TMEM245: variants seen among roughly 807,000 people sequenced by gnomAD.
The protein encoded by TMEM245 is protein CG-2.
TMEM245 carries 69 observed loss-of-function variants against 101.2 expected under a neutral mutation model. That is an observed-to-expected ratio of 0.68 (90% confidence interval 0.56 to 0.83). The LOEUF (loss-of-function observed/expected upper bound fraction) is 0.83, where lower values mean the gene tolerates loss of function less well. Ranked by LOEUF, TMEM245 falls within the 40% of genes least tolerant of loss-of-function variation. The probability of loss-of-function intolerance (pLI) is 0.00; values close to 1 mark genes in which losing one functional copy is unlikely to be tolerated. For synonymous variants in TMEM245, 537 were observed against 449.8 expected (o/e 1.19, Z -2.45); for missense variants, 1,075 against 1,092.8 (o/e 0.98, Z 0.23).
At chr9:109,118,949 C>T (rs1830808991) in intron 1 of TMEM245, among the ~76,000 whole-genome samples, 1 of 152,198 alleles carries the variant, frequency 6.6e-6, no homozygotes, top group Admixed American at 6.5e-5. Context: ...CCAGCTCTGA[C>T]ATTCAGATGC....
In TMEM245 at chr9:109,050,382, T is replaced by G. The variant is rs1389796445; in HGVS notation, c.2024A>C (p.Glu675Ala). The change falls in exon 14 of 18, where the codon GAG becomes GCG. Residue 675 changes from glutamate to alanine, a missense_variant. This residue lies in a region of TMEM245 where 267 missense variants were observed against 351.3 expected (regional missense o/e 0.76). Coordinates refer to ENST00000374586, the MANE Select transcript of TMEM245 (RefSeq NM_032012.4). ...CACCCACTTCACTGGCTTGTAGTAC[T>G]CATCACTGGAACTTAATAGATAAAA... ...TLFYLLSSSD[E>A]YYKPVKWVIS... 1.2e-5 allele frequency: 20 copies of G among 1,614,154 alleles called. No individual in the cohort carries two copies. Among genetic ancestry groups the G allele is most frequent in the Non-Finnish European group, 1.5e-5 (18 of 1,180,026 alleles).
In TMEM245 at chr9:109,015,329, C is replaced by T. The variant is rs1453550244; in HGVS notation, c.*5131G>A. On this transcript the variant is annotated 3_prime_UTR_variant, in exon 18 of 18. Coordinates refer to ENST00000374586, the MANE Select transcript of TMEM245 (RefSeq NM_032012.4). Reference sequence around the variant, plus strand: ...TTGAATTGCCTCCTTCACCTGAGAACCCAGGGATGATACATTTTCAAAGAG... The same window carrying T: ...TTGAATTGCCTCCTTCACCTGAGAATCCAGGGATGATACATTTTCAAAGAG... The T allele has an allele frequency of 6.6e-6, 1 of 152,120 alleles. No individual in the cohort carries two copies. Among genetic ancestry groups the T allele is most frequent in the African/African-American group, 2.4e-5 (1 of 41,414 alleles). The allele number at this position is 152,120 out of a possible 1,614,324, so 9.4% of individuals were successfully genotyped here. A position where few individuals can be genotyped will look rare whatever the true frequency, so the allele number is the denominator to read the frequency against.
intron 17 of TMEM245, among the ~76,000 whole-genome samples, chr9:109,027,321 C>T (rs1827819385): frequency 1.4e-5 from 2 of 144,642 alleles, no homozygotes; most frequent in Non-Finnish European, 3.0e-5. Context: ...CCTCTCCCCT[C>T]CTTGGCAGAA....
chr9:109,110,375 T>C (rs547178266), intron 1 of TMEM245, among the ~76,000 whole-genome samples: 1 of 152,244 alleles, frequency 6.6e-6, no homozygotes, highest in African/African-American at 2.4e-5. Context: ...TTCAGAGAAG[T>C]GACTTGCCCA....
chr9:109,074,679 T>G (rs927619167), intron 8 of TMEM245, among the ~76,000 whole-genome samples: 1 of 150,304 alleles, frequency 6.7e-6, no homozygotes, highest in African/African-American at 2.4e-5. Flanking sequence ...TCCATGGGCA[T>G]GGGTATGAGA....
At chr9:109,087,449 T>G (rs1829876865) in intron 5 of TMEM245, 107 bp from the exon 6 acceptor site, 1 of 1,120,876 alleles carries the variant, frequency 8.9e-7, no homozygotes, top group Non-Finnish European at 1.2e-6. Flanking sequence ...ACAAAGCTAG[T>G]ATTAAAAAGA....
At chr9:109,040,491 T>G (rs1828269884) in intron 14 of TMEM245, among the ~76,000 whole-genome samples, 2 of 152,198 alleles carry the variant, frequency 1.3e-5, no homozygotes, top group Non-Finnish European at 2.9e-5. Context: ...GCCCTTCTAT[T>G]GTCAAACCCT....
At chr9:109,056,152 G>A (rs112079966) in intron 12 of TMEM245, among the ~76,000 whole-genome samples, 1,832 of 152,136 alleles carry the variant, frequency 0.012, 15 homozygotes, top group Non-Finnish European at 0.018. Context: ...GAAATTCAGA[G>A]GTAAATACCC....
At chr9:109,084,457 T>A (rs570002644) in intron 7 of TMEM245, among the ~76,000 whole-genome samples, 8 of 152,356 alleles carry the variant, frequency 5.3e-5, no homozygotes, top group African/African-American at 1.9e-4. Flanking sequence ...AGTAGTCTCA[T>A]AAATTAGGTA....
chr9:109,080,088 A>C (rs1403525512), intron 8 of TMEM245, among the ~76,000 whole-genome samples: 1 of 152,122 alleles, frequency 6.6e-6, no homozygotes, highest in East Asian at 1.9e-4. Context: ...TTAGATTATC[A>C]ATTATAGTTA....
intron 9 of TMEM245, among the ~76,000 whole-genome samples, chr9:109,065,726 C>T (rs117960069): frequency 0.013 from 1,997 of 152,110 alleles, 26 homozygotes; most frequent in Middle Eastern, 0.034. Flanking sequence ...TAATAATATA[C>T]GCTGGAGATG....
At chr9:109,050,128 A>AT (rs1298586061) in intron 14 of TMEM245, among the ~76,000 whole-genome samples, 155 bp downstream of exon 14, 1 of 152,210 alleles carries the variant, frequency 6.6e-6, no homozygotes, top group Admixed American at 6.5e-5. Flanking sequence ...CACTGTTCAT[A>AT]TTTATCCTGT....
At chr9:109,099,916 C>A (rs1439897714) in intron 3 of TMEM245, among the ~76,000 whole-genome samples, 1 of 152,180 alleles carries the variant, frequency 6.6e-6, no homozygotes, top group African/African-American at 2.4e-5. Flanking sequence ...CCCCAGCCAT[C>A]TCTTGCTCGC....
chr9:109,079,817 T>G (rs1336200082), intron 8 of TMEM245, among the ~76,000 whole-genome samples: 1 of 152,054 alleles, frequency 6.6e-6, no homozygotes, highest in African/African-American at 2.4e-5. Flanking sequence ...AACTGGAATG[T>G]AAGATTGCAC....
At chr9:109,052,512 A>C (rs1828716711) in intron 12 of TMEM245, among the ~76,000 whole-genome samples, 1 of 152,076 alleles carries the variant, frequency 6.6e-6, no homozygotes, top group Non-Finnish European at 1.5e-5. Context: ...TTCCTTTCCT[A>C]CTTCAGATGT....
At chr9:109,076,528 A>T in intron 8 of TMEM245, among the ~76,000 whole-genome samples, 1 of 147,278 alleles carries the variant, frequency 6.8e-6, no homozygotes, top group East Asian at 1.9e-4. Context: ...CTTAAAGTAT[A>T]ATAAAAAAAA....
intron 8 of TMEM245, among the ~76,000 whole-genome samples, chr9:109,073,856 G>GTTTTTTTTTT (rs904054098): frequency 1.7e-5 from 2 of 119,818 alleles, no homozygotes; most frequent in African/African-American, 3.3e-5. Context: ...TTTTTTTTTT[G>GTTTTTTTTTT]TTTTTTTTTT....
chr9:109,054,005 AT>A (rs1323960109), intron 12 of TMEM245, among the ~76,000 whole-genome samples: 2 of 152,160 alleles, frequency 1.3e-5, no homozygotes, highest in Non-Finnish European at 2.9e-5. Context: ...TCAAAACGCC[AT>A]TTCAACACAG....
At chr9:109,088,812 T>C (rs774754935) in intron 5 of TMEM245, among the ~76,000 whole-genome samples, 2 of 84,436 alleles carry the variant, frequency 2.4e-5, no homozygotes, top group Middle Eastern at 0.034. Context: ...CGAGACTACA[T>C]CTCAAAAAAA....
Sources: allele counts gnomAD v4.1 joint callset (sites outside exome capture counted in the v4.1 genomes callset), GRCh38; gene constraint gnomAD v4.1.1; regional missense constraint gnomAD v4.1.1; transcripts MANE v1.5; gene names NCBI Gene and HGNC (gene_info 2026-07-23, HGNC 2026-07-21).